Variants in ZUP1 observed in about 807,000 individuals in gnomAD.
The protein encoded by ZUP1 is zinc finger containing ubiquitin peptidase 1.
In ZUP1, 55 loss-of-function variants were observed where a neutral mutation model predicts 68.1. The ratio of observed to expected loss-of-function variants is 0.81; its 90% CI spans 0.65 to 1.01. ZUP1 has a LOEUF of 1.01. Ranked by LOEUF, ZUP1 falls within the 50% of genes least tolerant of loss-of-function variation. The pLI, the probability that ZUP1 is intolerant of heterozygous loss-of-function variation, is 0.00. For missense variants in ZUP1, 684 were observed against 674.9 expected (o/e 1.01, Z -0.15); for synonymous variants, 223 against 221.5 (o/e 1.01, Z -0.06).
rs774903955 is a variant in ZUP1, at chr6:116,651,563, G to T, written c.1316+9C>A. On this transcript the variant is annotated intron_variant, in intron 7 of 9. Transcript: ENST00000368576. ...GAAATAACATTTATTTAGGTTTTAAGGTACATACTTTACCCTTAGGGAGGT... is the reference window on the plus strand; with the variant it reads ...GAAATAACATTTATTTAGGTTTTAATGTACATACTTTACCCTTAGGGAGGT... 8 of 1,576,564 alleles carry T rather than the reference G, an allele frequency of 5.1e-6. No homozygotes were observed. In the African/African-American group the frequency reaches 1.1e-4, roughly 22 times the overall value.
intron 9 of ZUP1, among the ~76,000 whole-genome samples, chr6:116,639,166 G>C (rs1562397815): frequency 1.3e-5 from 2 of 152,244 alleles, no homozygotes; most frequent in African/African-American, 4.8e-5. Context: ...GGCTCGCTTA[G>C]GTAAACAAAG....
chr6:116,644,277 G>T lies in ZUP1; in HGVS notation c.1689+1437C>A, dbSNP rs1007142527. On this transcript the variant is annotated intron_variant, in intron 9 of 9. Coordinates refer to ENST00000368576, the MANE Select transcript of ZUP1 (RefSeq NM_145062.3). ...TAGTTCAACCATTGTGGAAGTCAGTGTGGTGATTCCTCAGGGATCTAGAAC... is the reference window on the plus strand; with the variant it reads ...TAGTTCAACCATTGTGGAAGTCAGTTTGGTGATTCCTCAGGGATCTAGAAC... 1.7e-4 allele frequency among the ~76,000 whole-genome samples: 26 copies of T among 152,318 alleles called. No homozygotes were observed. The East Asian group carries it at 2.9e-3, about 17-fold the overall frequency.
intron 5 of ZUP1, among the ~76,000 whole-genome samples, chr6:116,652,695 G>A (rs184015801): frequency 1.6e-4 from 24 of 152,060 alleles, no homozygotes; most frequent in African/African-American, 5.1e-4. Flanking sequence ...ACTCCAATAC[G>A]CTAAATTTCA....
In ZUP1 at chr6:116,647,621, T is replaced by C. The variant is rs751782739; in HGVS notation, c.1317-11A>G. The C allele has an allele frequency of 2.0e-6, 3 of 1,501,402 alleles. No homozygotes were observed. Among genetic ancestry groups the C allele is most frequent in the Non-Finnish European group, 2.7e-6 (3 of 1,111,402 alleles). 93.0% of individuals were successfully genotyped at this position (1,501,402 alleles called of 1,614,324 possible). A position where few individuals can be genotyped will look rare whatever the true frequency, so the allele number is the denominator to read the frequency against. Reference sequence around the variant, plus strand: ...TCAACAATATGACACCTATTAAAAATTGACAAAATGCACATTTAAAGGGCA... The same window carrying C: ...TCAACAATATGACACCTATTAAAAACTGACAAAATGCACATTTAAAGGGCA... On this transcript the variant is annotated splice_polypyrimidine_tract_variant and intron_variant, in intron 7 of 9. Coordinates refer to ENST00000368576, the MANE Select transcript of ZUP1 (RefSeq NM_145062.3).
At position 116,652,036 on chromosome 6, in the gene ZUP1, A is replaced by T. The variant is rs1299461477; in HGVS notation, c.1118T>A (p.Leu373Ter). ...RNFQMLLSSL[L>*]QNDAYNDCLK... is the part of the protein sequence containing the mutation. ...GCAATCGTTGTAAGCATCATTTTGT[A>T]ATAATGATGAAAGTAGCATTTGGAA... The change falls in exon 6 of 10, where the codon TTA (leucine) becomes TAA (stop). Residue 373 changes from leucine (L) to a stop codon, truncating the protein, a stop_gained. Coordinates refer to ENST00000368576, the MANE Select transcript of ZUP1 (RefSeq NM_145062.3). LOFTEE classifies it high-confidence loss of function. 1 of 1,613,838 alleles carries T rather than the reference A, an allele frequency of 6.2e-7. No individual in the cohort carries two copies. Among genetic ancestry groups the T allele is most frequent in the Non-Finnish European group, 8.5e-7 (1 of 1,179,872 alleles).
chr6:116,645,895 T>A lies in ZUP1; in HGVS notation c.1508A>T (p.Asn503Ile), dbSNP rs186282051. 5 of 1,613,168 alleles carry A rather than the reference T, an allele frequency of 3.1e-6. No homozygotes were observed. The highest frequency in any genetic ancestry group is 4.5e-5 in the East Asian group (2 of 44,792). ...AAGTATTAGTAAGCATAATGTTCGG[T>A]TTTTTTTCTCTTCAATTCCAATAAC... is the stretch of plus-strand genomic sequence containing the variant. ...RTVIGIEEKK[N>I]RTLCLLILDP... Residue 503 changes from asparagine to isoleucine, a missense_variant, in exon 9 of 10, where the codon AAC becomes ATC. Coordinates refer to ENST00000368576, the MANE Select transcript of ZUP1 (RefSeq NM_145062.3).
chr6:116,636,801 A>C (rs1461835697), intron 9 of ZUP1, among the ~76,000 whole-genome samples: 2 of 152,166 alleles, frequency 1.3e-5, no homozygotes, highest in Non-Finnish European at 2.9e-5. Flanking sequence ...ATTTGTTTTT[A>C]ATCCTACAAT....
chr6:116,645,149 TTAA>T (rs1776250835), intron 9 of ZUP1, among the ~76,000 whole-genome samples: 1 of 151,790 alleles, frequency 6.6e-6, no homozygotes. Flanking sequence ...TTAAATTAAA[TTAA>T]ACACTTTTAT....
intron 3 of ZUP1, chr6:116,660,094 T>C (rs1307242606): frequency 6.6e-6 from 1 of 152,408 alleles, no homozygotes; most frequent in Non-Finnish European, 1.5e-5. Context: ...CAGGGAACTT[T>C]TCCATCTTTG....
rs11398572 is a variant in ZUP1, at chr6:116,638,066, CAAA to C, written c.1690-2190_1690-2188del. Among the ~76,000 whole-genome samples, 8 of 88,814 alleles carry C rather than the reference CAAA, an allele frequency of 9.0e-5. No individual in the cohort carries two copies. The South Asian group carries it at 3.1e-3, about 34-fold the overall frequency. 58.3% of individuals were successfully genotyped at this position (88,814 alleles called of 152,430 possible). ...GGGTGACAGAGTGAGAGTCGGTCTC[CAAA>C]AAAAAAAAAAAAAAAACCTTGCCTT... On this transcript the variant is annotated intron_variant, in intron 9 of 9. Transcript: ENST00000368576.
rs747334429 is a variant in ZUP1 at position 116,658,911 on chromosome 6, G to A, written c.684C>T (p.Val228=). Residue 228 remains valine (V), a synonymous_variant, in exon 4 of 10, where the codon GTC becomes GTT. Transcript: ENST00000368576. ...ENSFQQGMDR[V]QCSGDLQLAH... is the part of the protein sequence containing the mutation. Reference sequence around the variant, plus strand: ...CCAATTGTAGATCACCAGAACACTGGACTCTATCCATGCCTGTTAGGTATT... The same window carrying A: ...CCAATTGTAGATCACCAGAACACTGAACTCTATCCATGCCTGTTAGGTATT... The A allele has an allele frequency of 1.9e-6, 3 of 1,610,332 alleles. No individual in the cohort carries two copies. The highest frequency in any genetic ancestry group is 4.5e-5 in the East Asian group (2 of 44,756).
chr6:116,644,984 C>T (rs1009251979), intron 9 of ZUP1, among the ~76,000 whole-genome samples: 15 of 152,026 alleles, frequency 9.9e-5, no homozygotes, highest in Admixed American at 2.0e-4. Flanking sequence ...GATTCAGACA[C>T]TCCTACAAGG....
rs754063348 is a variant in ZUP1 at position 116,635,882 on chromosome 6, TGAAAA to T, written c.1690-8_1690-4del. 1.2e-5 allele frequency: 19 copies of T among 1,579,302 alleles called. No individual in the cohort carries two copies. The African/African-American group carries it at 2.4e-4, about 20-fold the overall frequency. ...ACTTGAGAAGCTTGTCTCCTGGCCT[TGAAAA>T]GAAATTTTAAAAAACAATTTTAAGC... On this transcript the variant is annotated splice_region_variant and splice_polypyrimidine_tract_variant and intron_variant, in intron 9 of 9. Coordinates refer to ENST00000368576, the MANE Select transcript of ZUP1 (RefSeq NM_145062.3).
chr6:116,638,624 T>C (rs1161951460), intron 9 of ZUP1, among the ~76,000 whole-genome samples: 1 of 152,232 alleles, frequency 6.6e-6, no homozygotes, highest in African/African-American at 2.4e-5. Context: ...TAGGTTTTCT[T>C]ACTATATGTT....
chr6:116,640,059 A>G (rs1334100080), intron 9 of ZUP1, among the ~76,000 whole-genome samples: 2 of 152,254 alleles, frequency 1.3e-5, no homozygotes, highest in Admixed American at 1.3e-4. Flanking sequence ...CTCAGGAGCC[A>G]ATGTGATCAG....
intron 5 of ZUP1, among the ~76,000 whole-genome samples, chr6:116,656,077 G>GTT (rs34192854): frequency 9.6e-6 from 1 of 104,028 alleles, no homozygotes; most frequent in Non-Finnish European, 2.2e-5. Context: ...ACTTTTTTTT[G>GTT]TTTTTTTTTT....
At chr6:116,653,944 T>G (rs2114258539) in intron 5 of ZUP1, among the ~76,000 whole-genome samples, 1 of 152,170 alleles carries the variant, frequency 6.6e-6, no homozygotes, top group East Asian at 1.9e-4. Flanking sequence ...TTTTCCACAG[T>G]AAATTTATCT....
chr6:116,659,375 C>A (rs1224163587), intron 3 of ZUP1, among the ~76,000 whole-genome samples: 1 of 152,184 alleles, frequency 6.6e-6, no homozygotes, highest in East Asian at 1.9e-4. Context: ...GGTGATCCAC[C>A]AGCCTCGGCC....
At chr6:116,645,609 A>T in intron 9 of ZUP1, 105 bp downstream of exon 9, 1 of 867,790 alleles carries the variant, frequency 1.2e-6, no homozygotes, top group Middle Eastern at 3.1e-4. Context: ...AAAGAAAAAG[A>T]ATAGAAAAAA....
Sources: gnomAD v4.1 joint callset for allele counts (sites outside exome capture counted in the v4.1 genomes callset) on GRCh38, gnomAD v4.1.1 for gene constraint, MANE v1.5 for transcripts, NCBI Gene and HGNC (gene_info 2026-07-23, HGNC 2026-07-21) for gene names.